TENM1: variants seen among roughly 807,000 people sequenced by gnomAD.
TENM1 encodes the protein teneurin transmembrane protein 1.
Under a neutral mutation model 174.8 loss-of-function variants are expected in TENM1, and 35 were observed. The observed-to-expected ratio is 0.20, with a 90% confidence interval of 0.15 to 0.27. TENM1 has a LOEUF of 0.27. Among genes scored for constraint, TENM1 ranks in the 10% least tolerant of loss-of-function variants. TENM1 has a pLI of 1.00. For synonymous variants in TENM1, 781 were observed against 798.7 expected, an observed-to-expected ratio of 0.98 and a Z score of 0.37; for missense variants, 1,633 against 2,130.1, an observed-to-expected ratio of 0.77 and a Z score of 4.59.
Position 124,504,009 on chromosome X carries a change from G to T in TENM1, c.3302-306C>A, listed in dbSNP as rs111683576. 1.3e-3 allele frequency among the ~76,000 whole-genome samples: 142 copies of T among 111,667 alleles called. 2 individuals are homozygous for T. Among genetic ancestry groups the T allele is most frequent in the African/African-American group, 4.4e-3 (135 of 30,754 alleles). ...TTTGGGCTTTTGGGTTGGAGGCTGTGCTGTAAAACTGAAGAGAGATGCTTT... is the reference window on the plus strand; with the variant it reads ...TTTGGGCTTTTGGGTTGGAGGCTGTTCTGTAAAACTGAAGAGAGATGCTTT... On this transcript the variant is annotated intron_variant, in intron 18 of 31. Transcript: ENST00000422452.
chrX:124,520,007 G>C (rs142963473), intron 18 of TENM1, among the ~76,000 whole-genome samples: 2,356 of 111,968 alleles, frequency 0.021, 29 homozygotes, highest in Non-Finnish European at 0.032. Context: ...AAGATTCTAG[G>C]TTTTAAAGTC....
intron 1 of TENM1, among the ~76,000 whole-genome samples, chrX:124,943,547 A>C (rs1406357231): frequency 8.9e-6 from 1 of 112,568 alleles, no homozygotes; most frequent in Admixed American, 9.4e-5. Context: ...GTGCTGCTGT[A>C]TTAAATTTTT....
At chrX:124,707,993 A>G (rs1481987597) in intron 4 of TENM1, among the ~76,000 whole-genome samples, 1 of 112,389 alleles carries the variant, frequency 8.9e-6, no homozygotes, top group Non-Finnish European at 1.9e-5. Context: ...GAATGAGCAG[A>G]TCAGGATAAT....
the TENM1 span, among the ~76,000 whole-genome samples, chrX:125,022,471 GT>G: frequency 9.0e-6 from 1 of 111,664 alleles, no homozygotes; most frequent in African/African-American, 3.2e-5. Flanking sequence ...CTAGCTTAAG[GT>G]TAACTCCTCA....
the TENM1 span, among the ~76,000 whole-genome samples, chrX:125,143,943 T>C: frequency 8.9e-6 from 1 of 112,162 alleles, no homozygotes; most frequent in Non-Finnish European, 1.9e-5. Flanking sequence ...AAGCAAATTC[T>C]TTCATTAGGA....
At chrX:125,027,080 A>C in the TENM1 span, among the ~76,000 whole-genome samples, 2 of 112,142 alleles carry the variant, frequency 1.8e-5, no homozygotes, top group Non-Finnish European at 3.8e-5. Context: ...GCAATAAAAC[A>C]AGGAAAACAA....
At chrX:125,148,047 T>G in the TENM1 span, among the ~76,000 whole-genome samples, 1 of 111,357 alleles carries the variant, frequency 9.0e-6, no homozygotes, top group Non-Finnish European at 1.9e-5. Context: ...TTTCTTCGCA[T>G]CAGAGGAAGA....
chrX:125,147,164 GTA>G, the TENM1 span, among the ~76,000 whole-genome samples: 2 of 107,631 alleles, frequency 1.9e-5, no homozygotes, highest in Admixed American at 9.9e-5. Flanking sequence ...ATATATGTGT[GTA>G]TATATATCAC....
chrX:124,428,926 G>A (rs1322514419), intron 23 of TENM1, among the ~76,000 whole-genome samples: 1 of 111,573 alleles, frequency 9.0e-6, no homozygotes, highest in Admixed American at 9.5e-5. Context: ...ATGTGAATAG[G>A]TGCTGCCCCT....
the TENM1 span, among the ~76,000 whole-genome samples, chrX:125,066,303 C>T: frequency 9.0e-6 from 1 of 111,572 alleles, no homozygotes; most frequent in African/African-American, 3.3e-5. Flanking sequence ...GACTACTTCC[C>T]TAGTTCTATC....
intron 12 of TENM1, 62 bp from the exon 16 acceptor site, chrX:124,563,834 G>C: frequency 1.0e-6 from 1 of 1,004,132 alleles, no homozygotes; most frequent in Non-Finnish European, 1.4e-6. Context: ...TATACAATAT[G>C]TACTAATGGT....
chrX:124,441,570 C>T (rs762162418), intron 23 of TENM1, among the ~76,000 whole-genome samples: 35 of 111,651 alleles, frequency 3.1e-4, no homozygotes, highest in African/African-American at 8.1e-4. Flanking sequence ...TTTGGATCAG[C>T]GGGAGGAATT....
chrX:124,430,042 C>T (rs1173569150), intron 23 of TENM1, among the ~76,000 whole-genome samples: 1 of 111,430 alleles, frequency 9.0e-6, no homozygotes, highest in Non-Finnish European at 1.9e-5. Context: ...AGAAAGATTA[C>T]TTAGGCTGCA....
intron 11 of TENM1, among the ~76,000 whole-genome samples, chrX:124,625,918 A>G (rs746038839): frequency 1.8e-5 from 2 of 111,366 alleles, no homozygotes; most frequent in African/African-American, 6.5e-5. Context: ...CGCAGATCCA[A>G]CCCATATCAG....
intron 5 of TENM1, among the ~76,000 whole-genome samples, chrX:124,690,488 T>A (rs1382974960): frequency 2.6e-4 from 19 of 72,398 alleles, no homozygotes; most frequent in African/African-American, 1.7e-3. Context: ...TGTTAGAGTG[T>A]GTGTGTGTGT....
chrX:125,155,460 G>A, the TENM1 span, among the ~76,000 whole-genome samples: 4 of 111,233 alleles, frequency 3.6e-5, no homozygotes, highest in Admixed American at 9.5e-5. Flanking sequence ...GTCCCGTGCC[G>A]TGCGCCCACA....
intron 5 of TENM1, among the ~76,000 whole-genome samples, chrX:124,703,803 G>A (rs1386716899): frequency 8.9e-6 from 1 of 111,914 alleles, no homozygotes; most frequent in East Asian, 2.8e-4. Flanking sequence ...AAATGTCTGA[G>A]ATAAAAGACA....
At chrX:124,416,441 T>C (rs1358061219) in intron 25 of TENM1, among the ~76,000 whole-genome samples, 1 of 112,370 alleles carries the variant, frequency 8.9e-6, no homozygotes, top group African/African-American at 3.2e-5. Context: ...TTTTTATGGC[T>C]GAACACTATT....
chrX:124,402,998 C>T (rs961169288), intron 27 of TENM1, among the ~76,000 whole-genome samples: 11 of 111,829 alleles, frequency 9.8e-5, no homozygotes, highest in African/African-American at 3.3e-4. Flanking sequence ...ATCTTTACTG[C>T]TACCCACACA....
Sources: gnomAD v4.1 joint callset for allele counts (sites outside exome capture counted in the v4.1 genomes callset) on GRCh38, gnomAD v4.1.1 for gene constraint, MANE v1.5 for transcripts, NCBI Gene and HGNC (gene_info 2026-07-23, HGNC 2026-07-21) for gene names.